ZNF706: variants seen among roughly 807,000 people sequenced by gnomAD.
ZNF706 encodes transcriptional regulator ZNF706.
A neutral mutation model predicts 9.2 loss-of-function variants in ZNF706; 4 were observed. That is an observed-to-expected ratio of 0.43 (90% CI 0.21 to 0.99). ZNF706 has a LOEUF of 0.99. ZNF706 is among the 50% of genes least tolerant of loss of function. ZNF706 has a pLI of 0.26. For missense variants in ZNF706, 27 were observed against 87.8 expected, an observed-to-expected ratio of 0.31 and a Z score of 2.77; for synonymous variants, 28 against 27.3, an observed-to-expected ratio of 1.03 and a Z score of -0.08.
intron 1 of ZNF706, among the ~76,000 whole-genome samples, chr8:101,202,010 C>T (rs528063131): frequency 6.6e-6 from 1 of 152,040 alleles, no homozygotes; most frequent in African/African-American, 2.4e-5. Context: ...ATGTTATGTA[C>T]ACCAAGACAT....
At position 101,199,038 on chromosome 8, in the gene ZNF706, T is replaced by C. The variant is rs1586264448; in HGVS notation, c.*214A>G. ...AAAATTTTTTATAACAAGGATGGACTGATTTTCATATTTCCAAATCAGAGT... is the reference window on the plus strand; with the variant it reads ...AAAATTTTTTATAACAAGGATGGACCGATTTTCATATTTCCAAATCAGAGT... On this transcript the variant is annotated 3_prime_UTR_variant, in exon 4 of 4. Coordinates refer to ENST00000311212, the MANE Select transcript of ZNF706 (RefSeq NM_016096.5). 1.1e-5 allele frequency: 5 copies of C among 443,844 alleles called. No individual in the cohort carries two copies. In the Admixed American group the frequency reaches 1.9e-4, roughly 17 times the overall value. 27.5% of individuals were successfully genotyped at this position (443,844 alleles called of 1,614,324 possible). A position where few individuals can be genotyped will look rare whatever the true frequency, so the allele number is the denominator to read the frequency against.
rs545338104 is a variant in ZNF706, at chr8:101,197,337, T to C, written c.*1915A>G. On this transcript the variant is annotated 3_prime_UTR_variant, in exon 4 of 4. Transcript: ENST00000311212. Reference sequence around the variant, plus strand: ...ATTACAGGGATGTTTGGTTTTTAACTCAAACACAGTAAAATGGGGATTGTA... The same window carrying C: ...ATTACAGGGATGTTTGGTTTTTAACCCAAACACAGTAAAATGGGGATTGTA... 12 of 152,288 alleles carry C rather than the reference T, an allele frequency of 7.9e-5. No individual in the cohort carries two copies. Among genetic ancestry groups the C allele is most frequent in the African/African-American group, 2.9e-4 (12 of 41,562 alleles). The allele number at this position is 152,288 out of a possible 1,614,324, so 9.4% of individuals were successfully genotyped here.
At chr8:101,203,459 T>C (rs932268330) in intron 1 of ZNF706, 2 of 152,098 alleles carry the variant, frequency 1.3e-5, no homozygotes, top group African/African-American at 4.8e-5. Context: ...AATTAGTTAA[T>C]GGATATGAGG....
upstream of ZNF706, chr8:101,205,786 C>G (rs1031317110): frequency 6.6e-6 from 1 of 152,634 alleles, no homozygotes; most frequent in African/African-American, 2.4e-5. The surrounding 1 kb of genome is among the most constrained non-coding windows in gnomAD (Gnocchi z 6.6). Flanking sequence ...CCTGGCTGGT[C>G]GCGCGGGCCA....
chr8:101,199,234 A>C lies in ZNF706; in HGVS notation c.*18T>G, dbSNP rs192709478. On this transcript the variant is annotated 3_prime_UTR_variant, in exon 4 of 4. Coordinates refer to ENST00000311212, the MANE Select transcript of ZNF706 (RefSeq NM_016096.5). ...AGTAGAAGAGTCAAAGGTGTCATGAATTCACCTATAAAACATAAGCAAAAT... is the reference window on the plus strand; with the variant it reads ...AGTAGAAGAGTCAAAGGTGTCATGACTTCACCTATAAAACATAAGCAAAAT... The C allele has an allele frequency of 4.1e-5, 29 of 702,140 alleles. No individual in the cohort carries two copies. The highest frequency in any genetic ancestry group is 4.0e-4 in the African/African-American group (23 of 57,340). 43.5% of individuals were successfully genotyped at this position (702,140 alleles called of 1,614,324 possible).
chr8:101,199,319 G>A, intron 3 of ZNF706, 80 bp from the exon 4 acceptor site: 1 of 690,668 alleles, frequency 1.4e-6, no homozygotes, highest in South Asian at 1.5e-5. Flanking sequence ...TAACTAAGAA[G>A]AAACACTATG....
At chr8:101,201,000 C>A in intron 2 of ZNF706, 2 of 257,824 alleles carry the variant, frequency 7.8e-6, no homozygotes, top group Non-Finnish European at 1.6e-5. Flanking sequence ...AGTCAGTTTA[C>A]TCTTCTGTAA....
Position 101,201,759 on chromosome 8 carries a change from G to A in ZNF706, c.-2-16C>T. The stretch of plus-strand genomic sequence containing the variant: ...CGAGCCATATCTAAAAACAGAAGGT[G>A]AAGCATTAGAGTGGCTTATTTACTC... On this transcript the variant is annotated splice_polypyrimidine_tract_variant and intron_variant, in intron 1 of 3. Coordinates refer to ENST00000311212, the MANE Select transcript of ZNF706 (RefSeq NM_016096.5). This position sits in a 1 kb window ranked among gnomAD's most constrained non-coding sequence, Gnocchi z 4.5. 6.2e-7 allele frequency: 1 copy of A among 1,613,780 alleles called. No homozygotes were observed. The highest frequency in any genetic ancestry group is 2.2e-5 in the East Asian group (1 of 44,872).
In ZNF706 at chr8:101,199,114, A is replaced by T. The variant is rs1586264545; in HGVS notation, c.*138T>A. ...CTTTGCATGAAGCCCAAGAGGGAAC[A>T]GCATAAAAATGAGTGTTTCTGTAGC... On this transcript the variant is annotated 3_prime_UTR_variant, in exon 4 of 4. Coordinates refer to ENST00000311212, the MANE Select transcript of ZNF706 (RefSeq NM_016096.5). 2 of 622,934 alleles carry T rather than the reference A, an allele frequency of 3.2e-6. No individual in the cohort carries two copies. The allele number at this position is 622,934 out of a possible 1,614,324, so 38.6% of individuals were successfully genotyped here.
intron 1 of ZNF706, chr8:101,202,733 A>C (rs1235465234): frequency 1.3e-5 from 2 of 152,202 alleles, no homozygotes; most frequent in Non-Finnish European, 2.9e-5. Context: ...AGATTTATGC[A>C]CTTTACTGTA....
In ZNF706 at chr8:101,201,503, T is replaced by G; in HGVS notation, c.135+104A>C. 1 of 1,026,688 alleles carries G rather than the reference T, an allele frequency of 9.7e-7. No individual in the cohort carries two copies. The highest frequency in any genetic ancestry group is 1.4e-6 in the Non-Finnish European group (1 of 706,768). 63.6% of individuals were successfully genotyped at this position (1,026,688 alleles called of 1,614,324 possible). ...TAAAATAATCAGCTCTCAAACCTAC[T>G]ATTTCATGTAAAGCATCTATTTTGC... On this transcript the variant is annotated intron_variant, in intron 2 of 3. Coordinates refer to ENST00000311212, the MANE Select transcript of ZNF706 (RefSeq NM_016096.5). This position sits in a 1 kb window ranked among gnomAD's most constrained non-coding sequence, Gnocchi z 4.5.
chr8:101,204,915 GT>G (rs1810697241), intron 1 of ZNF706: 4 of 985,440 alleles, frequency 4.1e-6, no homozygotes, highest in Non-Finnish European at 4.8e-6. Context: ...TAACACCATC[GT>G]TTTGGGGAGA....
rs968137970 is a variant in ZNF706 at position 101,201,325 on chromosome 8, T to G, written c.135+282A>C. The G allele has an allele frequency of 5.6e-6, 2 of 357,618 alleles. No homozygotes were observed. Among genetic ancestry groups the G allele is most frequent in the Non-Finnish European group, 5.1e-6 (1 of 196,912 alleles). 22.2% of individuals were successfully genotyped at this position (357,618 alleles called of 1,614,324 possible). A position where few individuals can be genotyped will look rare whatever the true frequency, so the allele number is the denominator to read the frequency against. On this transcript the variant is annotated intron_variant, in intron 2 of 3. Transcript: ENST00000311212. The surrounding 1 kb of genome is among the most constrained non-coding windows in gnomAD (Gnocchi z 4.5). ...AGAGTTATATGATGTGCTAGTGAAG[T>G]GTATTATATGCCCTTATGAAGACAT... is the stretch of plus-strand genomic sequence containing the variant.
At position 101,201,810 on chromosome 8, in the gene ZNF706, A is replaced by G; in HGVS notation, c.-2-67T>C. ...TAATACAGAGTAATCAAAGCATAAG[A>G]ACGTTCTTAGAATTGAAGCCTTAAG... On this transcript the variant is annotated intron_variant, in intron 1 of 3. Coordinates refer to ENST00000311212, the MANE Select transcript of ZNF706 (RefSeq NM_016096.5). This position sits in a 1 kb window ranked among gnomAD's most constrained non-coding sequence, Gnocchi z 4.5. 6.6e-7 allele frequency: 1 copy of G among 1,520,544 alleles called. No individual in the cohort carries two copies. The highest frequency in any genetic ancestry group is 8.9e-7 in the Non-Finnish European group (1 of 1,120,300). The allele number at this position is 1,520,544 out of a possible 1,614,324, so 94.2% of individuals were successfully genotyped here. A position where few individuals can be genotyped will look rare whatever the true frequency, so the allele number is the denominator to read the frequency against.
Position 101,197,744 on chromosome 8 carries a change from C to T in ZNF706, c.*1508G>A, listed in dbSNP as rs1040692053. The T allele has an allele frequency of 6.6e-6, 1 of 152,140 alleles. No individual in the cohort carries two copies. Among genetic ancestry groups the T allele is most frequent in the African/African-American group, 2.4e-5 (1 of 41,442 alleles). 9.4% of individuals were successfully genotyped at this position (152,140 alleles called of 1,614,324 possible). A position where few individuals can be genotyped will look rare whatever the true frequency, so the allele number is the denominator to read the frequency against. ...CATCTGAAACTTAGGAAATAAAATA[C>T]ACAAAATAAAAGGACTATTTTAAAG... On this transcript the variant is annotated 3_prime_UTR_variant, in exon 4 of 4. Coordinates refer to ENST00000311212, the MANE Select transcript of ZNF706 (RefSeq NM_016096.5).
In ZNF706 at chr8:101,205,438, G is replaced by C. The variant is rs1328224278; in HGVS notation, c.-6C>G. 6.6e-6 allele frequency: 1 copy of C among 152,164 alleles called. No homozygotes were observed. The highest frequency in any genetic ancestry group is 2.4e-5 in the African/African-American group (1 of 41,350). The allele number at this position is 152,164 out of a possible 1,614,324, so 9.4% of individuals were successfully genotyped here. A position where few individuals can be genotyped will look rare whatever the true frequency, so the allele number is the denominator to read the frequency against. ...CACCGCCCCCGCTGCCGCTCACCCG[G>C]GCCGGGACAGTCTTGCGTCGGAGAG... On this transcript the variant is annotated 5_prime_UTR_variant, in exon 1 of 4. Coordinates refer to ENST00000311212, the MANE Select transcript of ZNF706 (RefSeq NM_016096.5). The surrounding 1 kb of genome is among the most constrained non-coding windows in gnomAD (Gnocchi z 6.6).
chr8:101,204,311 TC>T (rs1231630007), intron 1 of ZNF706: 1 of 152,276 alleles, frequency 6.6e-6, no homozygotes, highest in Non-Finnish European at 1.5e-5. Flanking sequence ...CAACCCATTT[TC>T]CATTGTCACC....
Position 101,201,588 on chromosome 8 carries a change from T to C in ZNF706, c.135+19A>G. 1.2e-6 allele frequency: 2 copies of C among 1,607,310 alleles called. No homozygotes were observed. The highest frequency in any genetic ancestry group is 2.2e-5 in the East Asian group (1 of 44,808). ...ACTGCCCACGGGAGAGCTGTATCTTTCAATTCAATTCCCCTTACCCTACAG... is the reference window on the plus strand; with the variant it reads ...ACTGCCCACGGGAGAGCTGTATCTTCCAATTCAATTCCCCTTACCCTACAG... On this transcript the variant is annotated intron_variant, in intron 2 of 3. Transcript: ENST00000311212. The surrounding 1 kb of genome is among the most constrained non-coding windows in gnomAD (Gnocchi z 4.5).
chr8:101,201,098 G>A lies in ZNF706; in HGVS notation c.135+509C>T, dbSNP rs1263136959. The A allele has an allele frequency of 1.3e-5, 2 of 158,966 alleles. No individual in the cohort carries two copies. Among genetic ancestry groups the A allele is most frequent in the Non-Finnish European group, 2.8e-5 (2 of 71,534 alleles). The allele number at this position is 158,966 out of a possible 1,614,324, so 9.8% of individuals were successfully genotyped here. On this transcript the variant is annotated intron_variant, in intron 2 of 3. Transcript: ENST00000311212. The surrounding 1 kb of genome is among the most constrained non-coding windows in gnomAD (Gnocchi z 4.5). ...ATGTAAAACACCTGGCTCTATGTGT[G>A]GCATATGGTAAGCACTCAAAAGTAG... is the stretch of plus-strand genomic sequence containing the variant.
Sources: gnomAD v4.1 joint callset for allele counts (sites outside exome capture counted in the v4.1 genomes callset) on GRCh38, gnomAD v4.1.1 for gene constraint, Gnocchi (gnomAD v3.1) non-coding constraint, MANE v1.5 for transcripts, NCBI Gene and HGNC (gene_info 2026-07-23, HGNC 2026-07-21) for gene names.